PASK: variants seen among roughly 807,000 people sequenced by gnomAD.
PASK encodes the protein PAS domain containing serine/threonine kinase, also known as PAS domain-containing serine/threonine-protein kinase.
A neutral mutation model predicts 121.0 loss-of-function variants in PASK; 110 were observed. The ratio of observed to expected loss-of-function variants is 0.91; its 90% CI spans 0.78 to 1.06. The LOEUF (loss-of-function observed/expected upper bound fraction) is 1.06. Among genes scored for constraint, PASK ranks in the 50% least tolerant of loss-of-function variants. The pLI is 0.00. For synonymous variants in PASK, 686 were observed against 717.8 expected (o/e 0.96, Z 0.71); for missense variants, 1,643 against 1,702.3 (o/e 0.97, Z 0.61).
At chr2:241,150,328 G>C (rs770780793), upstream of PASK, 20 of 1,326,436 alleles carry the variant, frequency 1.5e-5, no homozygotes, top group Non-Finnish European at 1.9e-5. Context: ...GCGGCGCGCG[G>C]CCTCATGACG....
At chr2:241,131,350 G>A (rs1248332355) in intron 9 of PASK, among the ~76,000 whole-genome samples, 1 of 152,028 alleles carries the variant, frequency 6.6e-6, no homozygotes, top group Non-Finnish European at 1.5e-5. Flanking sequence ...GGGTTGCACC[G>A]TGTTAGCCAG....
In PASK at chr2:241,127,443, T is replaced by C. The variant is rs765299242; in HGVS notation, c.1472A>G (p.Asn491Ser). The change falls in exon 10 of 18, where the codon AAT becomes AGT. Residue 491 changes from asparagine (N) to serine (S), a missense_variant. Coordinates refer to ENST00000234040, the MANE Select transcript of PASK (RefSeq NM_015148.4). ...LSPQPAPGVDNVPEGSLPVHG... is the reference protein window; with the variant it reads ...LSPQPAPGVDSVPEGSLPVHG... The stretch of plus-strand genomic sequence containing the variant: ...CACTGGCAGGCTTCCTTCTGGGACA[T>C]TGTCCACCCTGGGGATAATGACATG... 14 of 1,613,736 alleles carry C rather than the reference T, an allele frequency of 8.7e-6. No individual in the cohort carries two copies. The highest frequency in any genetic ancestry group is 1.6e-4 in the Middle Eastern group (1 of 6,062).
Position 241,140,073 on chromosome 2 carries a change from G to A in PASK, c.430-18C>T. 5.6e-6 allele frequency: 9 copies of A among 1,610,958 alleles called. No individual in the cohort carries two copies. The highest frequency in any genetic ancestry group is 7.6e-6 in the Non-Finnish European group (9 of 1,177,628). On this transcript the variant is annotated intron_variant, in intron 3 of 17. Transcript: ENST00000234040. Reference sequence around the variant, plus strand: ...ACCAGGATCTGAGGAATCACAAAGAGGAGCAAGGATGCAGACATCCCCAGC... The same window carrying A: ...ACCAGGATCTGAGGAATCACAAAGAAGAGCAAGGATGCAGACATCCCCAGC...
In PASK at chr2:241,112,093, C is replaced by T; in HGVS notation, c.3533+147G>A. The T allele has an allele frequency of 1.4e-6, 1 of 713,910 alleles. No individual in the cohort carries two copies. The highest frequency in any genetic ancestry group is 2.5e-6 in the Non-Finnish European group (1 of 393,046). 44.2% of individuals were successfully genotyped at this position (713,910 alleles called of 1,614,324 possible). The stretch of plus-strand genomic sequence containing the variant: ...GCCCAATATGACCTTGCCTGCCTGC[C>T]CACTTACTTTCCAGCATATCACCCT... On this transcript the variant is annotated intron_variant, in intron 15 of 17. Transcript: ENST00000234040. The surrounding 1 kb of genome is among the most constrained non-coding windows in gnomAD (Gnocchi z 5.2).
chr2:241,137,993 G>A lies in PASK; in HGVS notation c.836C>T (p.Pro279Leu). 1.9e-6 allele frequency: 3 copies of A among 1,614,192 alleles called. No homozygotes were observed. Among genetic ancestry groups the A allele is most frequent in the Non-Finnish European group, 2.5e-6 (3 of 1,179,978 alleles). Residue 279 changes from proline (P) to leucine (L), a missense_variant, in exon 6 of 18, where the codon CCT becomes CTT. Physicochemically the swap from Pro to Leu is moderately conservative, Grantham distance 98 (BLOSUM62 -3). Coordinates refer to ENST00000234040, the MANE Select transcript of PASK (RefSeq NM_015148.4). ...VAGQHITDLIPSVQLPPSGQH... is the reference protein window; with the variant it reads ...VAGQHITDLILSVQLPPSGQH... ...GCCAGAAGGAGGGAGCTGCACAGAA[G>A]GGATCAGGTCTGTGATATGCTGCCC...
Position 241,138,634 on chromosome 2 carries a change from A to T in PASK, c.741+20T>A. On this transcript the variant is annotated intron_variant, in intron 5 of 17. Transcript: ENST00000234040. ...CCGGCTCCAGCGTCCATGAGACATGAGGCAAAGTTGCACACTCACATCGCT... is the reference window on the plus strand; with the variant it reads ...CCGGCTCCAGCGTCCATGAGACATGTGGCAAAGTTGCACACTCACATCGCT... The T allele has an allele frequency of 6.2e-7, 1 of 1,613,698 alleles. No individual in the cohort carries two copies. Among genetic ancestry groups the T allele is most frequent in the Non-Finnish European group, 8.5e-7 (1 of 1,179,934 alleles).
chr2:241,134,362 C>G (rs931481063), intron 8 of PASK: 5 of 152,204 alleles, frequency 3.3e-5, no homozygotes, highest in African/African-American at 1.2e-4. Context: ...AACCCAGATA[C>G]AATGAAGGGA....
intron 12 of PASK, among the ~76,000 whole-genome samples, chr2:241,119,767 G>C (rs1336951782): frequency 6.6e-6 from 1 of 152,134 alleles, no homozygotes; most frequent in Non-Finnish European, 1.5e-5. Flanking sequence ...ACCGCGCCCG[G>C]CCTGCAAGAT....
chr2:241,107,594 T>C, intron 16 of PASK, 95 bp from the exon 17 acceptor site: 1 of 1,260,958 alleles, frequency 7.9e-7, no homozygotes, highest in Non-Finnish European at 1.2e-6. Flanking sequence ...CCGCAGAGCC[T>C]CTGACTGGGC....
In PASK at chr2:241,126,342, G is replaced by A. The variant is rs146044486; in HGVS notation, c.2573C>T (p.Thr858Met). The A allele has an allele frequency of 3.0e-5, 48 of 1,614,218 alleles. No individual in the cohort carries two copies. The highest frequency in any genetic ancestry group is 3.5e-5 in the Non-Finnish European group (41 of 1,180,046). The change falls in exon 10 of 18, where the codon ACG becomes ATG. Residue 858 changes from threonine to methionine, a missense_variant. Thr to Met is a moderately conservative substitution (Grantham distance 81). Around this residue, in one of 3 missense-constraint regions of PASK, gnomAD observed 1,176 missense variants for 1,162.2 expected, o/e 1.01. Coordinates refer to ENST00000234040, the MANE Select transcript of PASK (RefSeq NM_015148.4). ...CCTTGGCTCCTCTGCTGATGGGCAC[G>A]TGTCCTCAGGGCCAGCATCCAACGT... ...PSTLDAGPED[T>M]CPSAEEPRLN...
At chr2:241,141,602 C>T (rs542342269) in intron 2 of PASK, among the ~76,000 whole-genome samples, 1 of 152,246 alleles carries the variant, frequency 6.6e-6, no homozygotes, top group South Asian at 2.1e-4. Context: ...GCTTTAAATA[C>T]ATCTAATTAG....
chr2:241,114,362 A>G, intron 14 of PASK: 2 of 985,564 alleles, frequency 2.0e-6, no homozygotes, highest in Non-Finnish European at 2.4e-6. Context: ...CCAAGAGCAA[A>G]TGTGAGTTGT....
At chr2:241,119,505 T>G (rs1344289905) in intron 12 of PASK, among the ~76,000 whole-genome samples, 1 of 150,158 alleles carries the variant, frequency 6.7e-6, no homozygotes, top group Non-Finnish European at 1.5e-5. Flanking sequence ...AGTCTTGCTC[T>G]GTCGCCCAGG....
chr2:241,116,353 G>A (rs150205260), intron 12 of PASK, among the ~76,000 whole-genome samples: 23 of 152,338 alleles, frequency 1.5e-4, no homozygotes, highest in African/African-American at 5.3e-4. Context: ...CGTCATTACT[G>A]CCCATTCTGT....
chr2:241,112,394 G>A lies in PASK; in HGVS notation c.3379C>T (p.Arg1127Cys), dbSNP rs752899994. 20 of 1,613,484 alleles carry A rather than the reference G, an allele frequency of 1.2e-5. No individual in the cohort carries two copies. Among genetic ancestry groups the A allele is most frequent in the African/African-American group, 5.3e-5 (4 of 74,846 alleles). ...GYLRLKDIIH[R>C]DIKDENIVIA... ...ACGATGTTCTCATCCTTGATGTCAC[G>A]GTGGATGATGTCCTTCAAGCGCAGG... The change falls in exon 15 of 18, where the codon CGT becomes TGT. Residue 1127 changes from arginine (R) to cysteine (C), a missense_variant. By Grantham distance (180) the Arg-to-Cys change is radical. This residue lies in a region of PASK where 453 missense variants were observed against 511.2 expected (regional missense o/e 0.89). Transcript: ENST00000234040. The surrounding 1 kb of genome is among the most constrained non-coding windows in gnomAD (Gnocchi z 5.2).
chr2:241,138,024 C>G lies in PASK; in HGVS notation c.805G>C (p.Val269Leu), dbSNP rs573164247. Residue 269 changes from valine (V) to leucine (L), a missense_variant, in exon 6 of 18, where the codon GTG becomes CTG. Coordinates refer to ENST00000234040, the MANE Select transcript of PASK (RefSeq NM_015148.4). ...AGGTCTGTGATATGCTGCCCAGCCA[C>G]GTCCTCCCCAGACACGTACCCGTGA... is the stretch of plus-strand genomic sequence containing the variant. ...HLHGYVSGED[V>L]AGQHITDLIP... 1.8e-5 allele frequency: 29 copies of G among 1,614,172 alleles called. 1 individual carries two copies. In the South Asian group the frequency reaches 3.0e-4, roughly 16 times the overall value.
In PASK at chr2:241,115,048, G is replaced by C. The variant is rs1286089009; in HGVS notation, c.3328C>G (p.Arg1110Gly). The C allele has an allele frequency of 1.9e-6, 3 of 1,614,148 alleles. No individual in the cohort carries two copies. Among genetic ancestry groups the C allele is most frequent in the Non-Finnish European group, 2.5e-6 (3 of 1,180,008 alleles). ...LDEPLASYIF[R>G]QLVSAVGYLR... ...CGGCTCTGGCCTGCTCTCACTTGTC[G>C]GAAGATGTAGCTCGCCAGGGGCTCA... Residue 1110 changes from arginine (R) to glycine (G), a missense_variant, in exon 14 of 18, where the codon CGA (arginine) becomes GGA (glycine). By Grantham distance (125) the Arg-to-Gly change is moderately radical. Transcript: ENST00000234040.
At position 241,120,492 on chromosome 2, in the gene PASK, C is replaced by CAAAAAAAAAAAAAAAAA. The variant is rs568145375; in HGVS notation, c.3072+2239_3072+2240insTTTTTTTTTTTTTTTTT. 5.0e-5 allele frequency among the ~76,000 whole-genome samples: 7 copies of CAAAAAAAAAAAAAAAAA among 140,036 alleles called. No homozygotes were observed. In the South Asian group the frequency reaches 6.9e-4, roughly 14 times the overall value. The allele number at this position is 140,036 out of a possible 152,430, so 91.9% of individuals were successfully genotyped here. On this transcript the variant is annotated intron_variant, in intron 12 of 17. Coordinates refer to ENST00000234040, the MANE Select transcript of PASK (RefSeq NM_015148.4). ...TGGGCGACAAAGCAAGACTCTGTCT[C>CAAAAAAAAAAAAAAAAA]AAAAGAAAAAAAAAATGGGCAAAGG...
At chr2:241,144,800 T>TTATCCTAGCCTTATCCTAGATGCTA (rs2066877565) in intron 1 of PASK, among the ~76,000 whole-genome samples, 1 of 152,216 alleles carries the variant, frequency 6.6e-6, no homozygotes, top group Non-Finnish European at 1.5e-5. Context: ...CCCCCCTCCT[T>TTATCCTAGCCTTATCCTAGATGCTA]GCCTTATCCT....
Sources: gnomAD v4.1 joint callset for allele counts (sites outside exome capture counted in the v4.1 genomes callset) on GRCh38, gnomAD v4.1.1 for gene constraint, gnomAD v4.1.1 regional missense constraint, Gnocchi (gnomAD v3.1) non-coding constraint, MANE v1.5 for transcripts, NCBI Gene and HGNC (gene_info 2026-07-23, HGNC 2026-07-21) for gene names.